MAPK14: variants seen among roughly 807,000 people sequenced by gnomAD.
MAPK14 encodes the protein CSAID-binding protein.
MAPK14 carries 16 observed loss-of-function variants against 49.6 expected under a neutral mutation model. The ratio of observed to expected loss-of-function variants is 0.32; its 90% CI spans 0.22 to 0.49. The LOEUF (loss-of-function observed/expected upper bound fraction) is 0.49, where lower values mean the gene tolerates loss of function less well. Among genes scored for constraint, MAPK14 ranks in the 20% least tolerant of loss-of-function variants. The probability of loss-of-function intolerance (pLI) is 0.99; values close to 1 mark genes in which losing one functional copy is unlikely to be tolerated. For missense variants in MAPK14, 200 were observed against 441.2 expected, an observed-to-expected ratio of 0.45 and a Z score of 4.90; for synonymous variants, 142 against 158.0, an observed-to-expected ratio of 0.90 and a Z score of 0.76.
intron 3 of MAPK14, among the ~76,000 whole-genome samples, chr6:36,063,216 A>G (rs1763898795): frequency 6.6e-6 from 1 of 152,102 alleles, no homozygotes. Flanking sequence ...ACTGTACTGG[A>G]TGCTGTAGGT....
intron 1 of MAPK14, among the ~76,000 whole-genome samples, chr6:36,043,804 C>CTTTTTTTTTTTTTTTTTTTTTTT (rs796534477): frequency 1.1e-5 from 1 of 90,398 alleles, no homozygotes; most frequent in Non-Finnish European, 2.1e-5. Context: ...CTTTTTCTTT[C>CTTTTTTTTTTTTTTTTTTTTTTT]TTTTTTTTTT....
rs184885571 is a variant in MAPK14, at chr6:36,044,680, G to A, written c.117-8019G>A. Among the ~76,000 whole-genome samples the A allele has an allele frequency of 9.7e-4, 147 of 151,864 alleles. 1 individual carries two copies. Among genetic ancestry groups the A allele is most frequent in the Non-Finnish European group, 3.1e-4 (21 of 67,956 alleles). On this transcript the variant is annotated intron_variant, in intron 1 of 11. Transcript: ENST00000229794. ...GCCTGAGGCCAGGAGTTCGAGACCAGCCTGGGCAACAAGCAAGGCCCCATC... is the reference window on the plus strand; with the variant it reads ...GCCTGAGGCCAGGAGTTCGAGACCAACCTGGGCAACAAGCAAGGCCCCATC...
At chr6:36,076,914 A>C in intron 8 of MAPK14, 1 of 215,618 alleles carries the variant, frequency 4.6e-6, no homozygotes, top group South Asian at 1.4e-4. Context: ...CTCATGAGAA[A>C]CTCCAGATCC....
chr6:36,057,415 T>G (rs1467370409), intron 2 of MAPK14, among the ~76,000 whole-genome samples: 2 of 152,250 alleles, frequency 1.3e-5, no homozygotes, highest in Non-Finnish European at 2.9e-5. Flanking sequence ...TTTTCTTATG[T>G]ACTGTTGTCT....
At chr6:36,031,418 T>C (rs546103954) in intron 1 of MAPK14, among the ~76,000 whole-genome samples, 201 of 152,266 alleles carry the variant, frequency 1.3e-3, no homozygotes, top group Non-Finnish European at 2.2e-3. Flanking sequence ...TCTTCTTTTT[T>C]ATTTTGAGAC....
intron 3 of MAPK14, among the ~76,000 whole-genome samples, chr6:36,065,734 T>G (rs1313199543): frequency 6.6e-6 from 1 of 152,118 alleles, no homozygotes; most frequent in African/African-American, 2.4e-5. Context: ...GATGACATAG[T>G]TACAACTCTC....
chr6:36,042,335 G>A (rs975350834), intron 1 of MAPK14, among the ~76,000 whole-genome samples: 8 of 151,992 alleles, frequency 5.3e-5, no homozygotes, highest in Non-Finnish European at 1.2e-4. Flanking sequence ...TGTAAAGAAT[G>A]GATTAGAGGA....
intron 3 of MAPK14, among the ~76,000 whole-genome samples, chr6:36,065,450 A>G (rs894046680): frequency 2.0e-5 from 3 of 151,342 alleles, no homozygotes; most frequent in Non-Finnish European, 4.4e-5. Context: ...AGAGTTGGAA[A>G]GGTGGGGAAA....
intron 9 of MAPK14, among the ~76,000 whole-genome samples, chr6:36,102,062 G>A (rs1212886621): frequency 6.6e-6 from 1 of 152,210 alleles, no homozygotes; most frequent in Non-Finnish European, 1.5e-5. Context: ...AGGTAGGACT[G>A]TTATATTAAG....
At chr6:36,044,497 A>G (rs1402407544) in intron 1 of MAPK14, among the ~76,000 whole-genome samples, 1 of 152,162 alleles carries the variant, frequency 6.6e-6, no homozygotes, top group East Asian at 1.9e-4. Flanking sequence ...TTGATCTGCC[A>G]TTACCTTATA....
chr6:36,074,093 G>A lies in MAPK14; in HGVS notation c.492G>A (p.Leu164=). 6.2e-7 allele frequency: 1 copy of A among 1,612,424 alleles called. No homozygotes were observed. The highest frequency in any genetic ancestry group is 8.5e-7 in the Non-Finnish European group (1 of 1,178,716). The part of the protein sequence containing the change: ...SNLAVNEDCE[L]KILDFGLARH... ...TAGCTGTGAATGAAGACTGTGAGCTGAAGGTAAAATGAAGAGACAGTATTC... is the reference window on the plus strand; with the variant it reads ...TAGCTGTGAATGAAGACTGTGAGCTAAAGGTAAAATGAAGAGACAGTATTC... The change falls in exon 6 of 12, where the codon CTG becomes CTA. Residue 164 remains leucine (L), a synonymous_variant. Coordinates refer to ENST00000229794, the MANE Select transcript of MAPK14 (RefSeq NM_139012.3).
At chr6:36,114,996 A>T (rs1036195703), downstream of MAPK14, among the ~76,000 whole-genome samples, 1 of 152,180 alleles carries the variant, frequency 6.6e-6, no homozygotes, top group Admixed American at 6.5e-5. Flanking sequence ...AGCCTTCTGC[A>T]TCTGGGAACA....
At chr6:36,088,495 G>C (rs1765080470) in intron 8 of MAPK14, among the ~76,000 whole-genome samples, 1 of 152,122 alleles carries the variant, frequency 6.6e-6, no homozygotes, top group African/African-American at 2.4e-5. Context: ...GGCTGAGGCA[G>C]GTGGATCACG....
At chr6:36,059,628 G>A (rs1328934328) in intron 3 of MAPK14, among the ~76,000 whole-genome samples, 1 of 152,086 alleles carries the variant, frequency 6.6e-6, no homozygotes, top group Non-Finnish European at 1.5e-5. Flanking sequence ...TTTGACTATG[G>A]ATTTTCTTTT....
intron 8 of MAPK14, among the ~76,000 whole-genome samples, chr6:36,093,381 G>A (rs1435131187): frequency 6.6e-6 from 1 of 152,062 alleles, no homozygotes; most frequent in Admixed American, 6.6e-5. Context: ...AGGTAGTTGA[G>A]AAATTCACAG....
At chr6:36,070,359 G>A (rs1307934363) in intron 3 of MAPK14, among the ~76,000 whole-genome samples, 2 of 152,170 alleles carry the variant, frequency 1.3e-5, no homozygotes, top group Non-Finnish European at 2.9e-5. Context: ...TTTTGACCTT[G>A]AGTAGATGGC....
the MAPK14 span, among the ~76,000 whole-genome samples, chr6:36,121,166 A>G: frequency 1.6e-4 from 24 of 152,250 alleles, no homozygotes; most frequent in Non-Finnish European, 1.8e-4. Flanking sequence ...GCGGATCGCT[A>G]GAATGGAGGT....
At chr6:36,032,730 C>G (rs1415732012) in intron 1 of MAPK14, among the ~76,000 whole-genome samples, 1 of 152,220 alleles carries the variant, frequency 6.6e-6, no homozygotes, top group Non-Finnish European at 1.5e-5. Flanking sequence ...TCCATTCTCT[C>G]CTGGAACTTA....
intron 3 of MAPK14, among the ~76,000 whole-genome samples, chr6:36,061,616 A>T (rs941790780): frequency 6.6e-6 from 1 of 152,340 alleles, no homozygotes; most frequent in South Asian, 2.1e-4. Flanking sequence ...CTTGTTGACT[A>T]CTTACTGAAT....
Sources: gnomAD v4.1 joint callset for allele counts (sites outside exome capture counted in the v4.1 genomes callset) on GRCh38, gnomAD v4.1.1 for gene constraint, MANE v1.5 for transcripts, NCBI Gene and HGNC (gene_info 2026-07-23, HGNC 2026-07-21) for gene names.